RNF115: variants seen among roughly 807,000 people sequenced by gnomAD.
The protein encoded by RNF115 is ring finger protein 115, also known as E3 ubiquitin-protein ligase RNF115.
In RNF115, 31 loss-of-function variants were observed where a neutral mutation model predicts 39.2. The ratio of observed to expected loss-of-function variants is 0.79; its 90% CI spans 0.59 to 1.07. The LOEUF is 1.07. Ranked by LOEUF, RNF115 falls within the 50% of genes least tolerant of loss-of-function variation. RNF115 has a pLI of 0.00. For missense variants in RNF115, 384 were observed against 381.7 expected, an observed-to-expected ratio of 1.01 and a Z score of -0.05; for synonymous variants, 124 against 131.0, an observed-to-expected ratio of 0.95 and a Z score of 0.37.
At chr1:145,800,370 A>T (rs781916718) in intron 1 of RNF115, among the ~76,000 whole-genome samples, 76 of 152,234 alleles carry the variant, frequency 5.0e-4, no homozygotes, top group Non-Finnish European at 1.0e-3. Flanking sequence ...GGCCTTCCAG[A>T]GACAGCCCCA....
At chr1:145,814,534 G>A in intron 1 of RNF115, among the ~76,000 whole-genome samples, 1 of 151,550 alleles carries the variant, frequency 6.6e-6, no homozygotes, top group African/African-American at 2.4e-5. Flanking sequence ...AGTGAGCCGA[G>A]ATCGTGCCAC....
chr1:145,787,415 T>G (rs1648433368), intron 2 of RNF115, among the ~76,000 whole-genome samples: 1 of 149,138 alleles, frequency 6.7e-6, no homozygotes, highest in Non-Finnish European at 1.5e-5. Context: ...CTACTAAGAA[T>G]ACAAAAATTA....
chr1:145,764,283 G>A (rs922276175), intron 4 of RNF115, among the ~76,000 whole-genome samples: 2 of 152,208 alleles, frequency 1.3e-5, no homozygotes, highest in South Asian at 4.1e-4. Context: ...CCTCCCAGCC[G>A]CCTGCCTTGG....
intron 4 of RNF115, among the ~76,000 whole-genome samples, chr1:145,765,847 T>C (rs1226321637): frequency 6.6e-6 from 1 of 152,212 alleles, no homozygotes; most frequent in Non-Finnish European, 1.5e-5. Flanking sequence ...TCTGTGTTAG[T>C]AAAAAAGTTT....
intron 2 of RNF115, chr1:145,787,127 T>C: frequency 1.4e-6 from 1 of 713,358 alleles, no homozygotes; most frequent in South Asian, 1.4e-5. Flanking sequence ...CACTCCAAGA[T>C]TAAGAGGCTT....
chr1:145,762,642 G>C (rs1169538617), intron 4 of RNF115, among the ~76,000 whole-genome samples: 3 of 151,678 alleles, frequency 2.0e-5, no homozygotes, highest in Non-Finnish European at 4.4e-5. Context: ...GGATAAGGCT[G>C]TCTTTTTATT....
chr1:145,739,137 T>C lies in RNF115; in HGVS notation c.*7729A>G, dbSNP rs183096604. 2.8e-4 allele frequency: 43 copies of C among 152,388 alleles called. No individual in the cohort carries two copies. The East Asian group carries it at 5.0e-3, about 18-fold the overall frequency. 9.4% of individuals were successfully genotyped at this position (152,388 alleles called of 1,614,324 possible). ...CTCTTTGGTCATTTCTCTTTTTAAA[T>C]AAATGCCCATAGCAGTATTTGGAGT... On this transcript the variant is annotated 3_prime_UTR_variant, in exon 9 of 9. Transcript: ENST00000582693.
intron 1 of RNF115, among the ~76,000 whole-genome samples, chr1:145,792,305 A>C (rs1280487701): frequency 6.6e-6 from 1 of 151,928 alleles, no homozygotes; most frequent in Non-Finnish European, 1.5e-5. Context: ...TCTTCAAAGA[A>C]AGACAGGATG....
At chr1:145,764,935 T>C (rs918096575) in intron 4 of RNF115, among the ~76,000 whole-genome samples, 1 of 152,176 alleles carries the variant, frequency 6.6e-6, no homozygotes. Flanking sequence ...CAACAGCTCA[T>C]TGAGAACGGG....
chr1:145,746,599 T>C lies in RNF115; in HGVS notation c.*267A>G, dbSNP rs1000551937. The C allele has an allele frequency of 2.8e-6, 1 of 354,804 alleles. No individual in the cohort carries two copies. Among genetic ancestry groups the C allele is most frequent in the Non-Finnish European group, 5.2e-6 (1 of 194,144 alleles). 22.0% of individuals were successfully genotyped at this position (354,804 alleles called of 1,614,324 possible). On this transcript the variant is annotated 3_prime_UTR_variant, in exon 9 of 9. Coordinates refer to ENST00000582693, the MANE Select transcript of RNF115 (RefSeq NM_014455.4). ...CTAGACTTTAAGGAATTAATTCTAT[T>C]CAGACGGGGGGAGCCCTACATAATT...
intron 4 of RNF115, among the ~76,000 whole-genome samples, chr1:145,767,834 G>A (rs1451119621): frequency 1.6e-4 from 25 of 152,378 alleles, no homozygotes; most frequent in African/African-American, 5.5e-4. Context: ...CCAGTCAGGC[G>A]TGGCGGCGCG....
At position 145,745,087 on chromosome 1, in the gene RNF115, C is replaced by A. The variant is rs1553711522; in HGVS notation, c.*1779G>T. 6.6e-6 allele frequency: 1 copy of A among 152,160 alleles called. No individual in the cohort carries two copies. The highest frequency in any genetic ancestry group is 1.9e-4 in the East Asian group (1 of 5,206). The allele number at this position is 152,160 out of a possible 1,614,324, so 9.4% of individuals were successfully genotyped here. A position where few individuals can be genotyped will look rare whatever the true frequency, so the allele number is the denominator to read the frequency against. On this transcript the variant is annotated 3_prime_UTR_variant, in exon 9 of 9. Coordinates refer to ENST00000582693, the MANE Select transcript of RNF115 (RefSeq NM_014455.4). ...AATGTAAAATCTTAACTCCTGAAGA[C>A]CAATGAATTACCAAAAACAGTGAAC...
intron 1 of RNF115, among the ~76,000 whole-genome samples, chr1:145,807,181 TG>T (rs1409333330): frequency 2.6e-5 from 4 of 152,232 alleles, no homozygotes; most frequent in Admixed American, 1.3e-4. Context: ...AAATTCGAAG[TG>T]CTGTACTTCA....
chr1:145,765,042 T>A (rs1259662301), intron 4 of RNF115, among the ~76,000 whole-genome samples: 2 of 152,332 alleles, frequency 1.3e-5, no homozygotes, highest in East Asian at 1.9e-4. Flanking sequence ...TAGAAAGAAG[T>A]AGACATGGGA....
At chr1:145,793,701 G>A (rs1255421933) in intron 1 of RNF115, among the ~76,000 whole-genome samples, 1 of 151,854 alleles carries the variant, frequency 6.6e-6, no homozygotes, top group Non-Finnish European at 1.5e-5. Flanking sequence ...CATTCATAAC[G>A]CCTCTCTTTC....
intron 1 of RNF115, among the ~76,000 whole-genome samples, chr1:145,789,707 T>A (rs1259869704): frequency 1.4e-5 from 1 of 71,870 alleles, no homozygotes; most frequent in Non-Finnish European, 3.9e-5. Flanking sequence ...CTTCTTTTTT[T>A]TTTTTTTTTT....
intron 1 of RNF115, among the ~76,000 whole-genome samples, chr1:145,808,556 A>G (rs782372517): frequency 2.6e-5 from 4 of 152,194 alleles, no homozygotes; most frequent in Non-Finnish European, 4.4e-5. Flanking sequence ...TAGTTTCAAC[A>G]ACCCTTTAAT....
intron 1 of RNF115, among the ~76,000 whole-genome samples, chr1:145,803,695 T>C (rs1354370023): frequency 1.3e-5 from 2 of 152,214 alleles, no homozygotes; most frequent in African/African-American, 4.8e-5. Flanking sequence ...GCCACCTTTA[T>C]CATTTTGTTC....
Position 145,806,303 on chromosome 1 carries a change from G to A in RNF115, c.103-17337C>T, listed in dbSNP as rs986011287. Among the ~76,000 whole-genome samples, 5 of 152,042 alleles carry A rather than the reference G, an allele frequency of 3.3e-5. No individual in the cohort carries two copies. In the South Asian group the frequency reaches 1.0e-3, roughly 31 times the overall value. On this transcript the variant is annotated intron_variant, in intron 1 of 8. Transcript: ENST00000582693. The stretch of plus-strand genomic sequence containing the variant: ...GCAGAGGTTTCAGTGAGCTGAGATC[G>A]TGCCACTGCACTCCAGCCTGGGCAA...
Sources: allele counts gnomAD v4.1 joint callset (sites outside exome capture counted in the v4.1 genomes callset), GRCh38; gene constraint gnomAD v4.1.1; transcripts MANE v1.5; gene names NCBI Gene and HGNC (gene_info 2026-07-23, HGNC 2026-07-21).